EEF2: variants seen among roughly 807,000 people sequenced by gnomAD.
EEF2 encodes the protein eukaryotic translation elongation factor 2.
A neutral mutation model predicts 85.3 loss-of-function variants in EEF2; 21 were observed. That is an observed-to-expected ratio of 0.25 (90% confidence interval 0.17 to 0.35). EEF2 has a LOEUF of 0.35. Among genes scored for constraint, EEF2 ranks in the 10% least tolerant of loss-of-function variants. The pLI, the probability that EEF2 is intolerant of heterozygous loss-of-function variation, is 1.00. For synonymous variants in EEF2, 723 were observed against 508.8 expected (o/e 1.42, Z -5.67); for missense variants, 825 against 1,225.3 (o/e 0.67, Z 4.88).
rs181191801 is a variant in EEF2, at chr19:3,983,092, G to A, written c.400+18C>T. The A allele has an allele frequency of 1.2e-3, 1,878 of 1,612,584 alleles. 19 individuals carry two copies. The highest frequency in any genetic ancestry group is 3.4e-4 in the Non-Finnish European group (400 of 1,178,840). On this transcript the variant is annotated intron_variant, in intron 3 of 14. Transcript: ENST00000309311. The stretch of plus-strand genomic sequence containing the variant: ...GCCCCCGGTTCCAGGCCGTGCCTCA[G>A]GGGGACCCACTGCTTACCTGACACG...
chr19:3,985,427 A>T lies in EEF2; in HGVS notation c.-47T>A, dbSNP rs761180832. 1 of 1,467,168 alleles carries T rather than the reference A, an allele frequency of 6.8e-7. No individual in the cohort carries two copies. 90.9% of individuals were successfully genotyped at this position (1,467,168 alleles called of 1,614,324 possible). On this transcript the variant is annotated 5_prime_UTR_variant, in exon 1 of 15. Transcript: ENST00000309311. Reference sequence around the variant, plus strand: ...CTCCCAGGTAGAACCGAAAGAAGCGAGTCGCGCCGAGGATGGCGGCGACGA... The same window carrying T: ...CTCCCAGGTAGAACCGAAAGAAGCGTGTCGCGCCGAGGATGGCGGCGACGA...
At chr19:3,983,404 G>A (rs191002226) in intron 2 of EEF2, 113 bp from the exon 3 acceptor site, 9 of 1,216,222 alleles carry the variant, frequency 7.4e-6, no homozygotes, top group African/African-American at 4.7e-5. Flanking sequence ...TCCCTGGAGA[G>A]GCTCCCACAA....
Position 3,982,842 on chromosome 19 carries a change from C to T in EEF2, c.577G>A (p.Gly193Ser), listed in dbSNP as rs374265147. ...CCCATGGGGCCGCTCTCGCCCTCGC[C>T]GTAGGTGGAGATGATGACGTTCACG... ...ENVNVIISTY[G>S]EGESGPMGNI... is the part of the protein sequence containing the mutation. Residue 193 changes from glycine (G) to serine (S), a missense_variant, in exon 4 of 15, where the codon GGC becomes AGC. Gly to Ser is a moderately conservative substitution (Grantham distance 56). Coordinates refer to ENST00000309311, the MANE Select transcript of EEF2 (RefSeq NM_001961.4). 5.0e-6 allele frequency: 8 copies of T among 1,613,154 alleles called. No individual in the cohort carries two copies. Among genetic ancestry groups the T allele is most frequent in the Non-Finnish European group, 6.8e-6 (8 of 1,179,872 alleles).
Position 3,980,600 on chromosome 19 carries a change from C to G in EEF2, c.1260G>C (p.Leu420=). Residue 420 remains leucine (L), a synonymous_variant, in exon 9 of 15, where the codon CTG becomes CTC. Transcript: ENST00000309311. ...TCCTGACCTTCAGGCCAGTGGAGAC[C>G]AGCCCCGAGAAGACTCGTCCAAAGG... ...FYAFGRVFSG[L]VSTGLKVRIM... 1 of 1,614,212 alleles carries G rather than the reference C, an allele frequency of 6.2e-7. No homozygotes were observed. Among genetic ancestry groups the G allele is most frequent in the Non-Finnish European group, 8.5e-7 (1 of 1,180,034 alleles).
intron 11 of EEF2, among the ~76,000 whole-genome samples, chr19:3,979,122 A>C (rs2039712901): frequency 1.3e-5 from 2 of 152,086 alleles, no homozygotes; most frequent in Admixed American, 1.3e-4. Flanking sequence ...ACACAGCGAG[A>C]CTATCTCAAA....
chr19:3,982,323 G>A lies in EEF2; in HGVS notation c.714C>T (p.Ala238=), dbSNP rs375462278. The change falls in exon 5 of 15, where the codon GCC becomes GCT. Residue 238 remains alanine (A), a synonymous_variant. Coordinates refer to ENST00000309311, the MANE Select transcript of EEF2 (RefSeq NM_001961.4). ...CAGGCCCCAACTGGCCCTCCCCCTT[G>A]GCGGCGAACTTGGCCACATACATCT... is the stretch of plus-strand genomic sequence containing the variant. ...FAEMYVAKFA[A]KGEGQLGPAE... 3.7e-6 allele frequency: 6 copies of A among 1,614,008 alleles called. No individual in the cohort carries two copies. The highest frequency in any genetic ancestry group is 1.6e-4 in the Middle Eastern group (1 of 6,084).
At chr19:3,981,706 G>A (rs979641761) in intron 6 of EEF2, among the ~76,000 whole-genome samples, 3 of 152,242 alleles carry the variant, frequency 2.0e-5, no homozygotes, top group East Asian at 3.8e-4. Flanking sequence ...GCACTGAACC[G>A]CCAAAGCCAC....
chr19:3,978,271 A>C, intron 11 of EEF2, 99 bp from the exon 12 acceptor site: 1 of 1,051,430 alleles, frequency 9.5e-7, no homozygotes, highest in Non-Finnish European at 1.3e-6. Flanking sequence ...CGGACCTCAT[A>C]CAGCCTGGTA....
At chr19:3,980,144 G>A (rs912596267) in intron 9 of EEF2, 78 bp from the exon 10 acceptor site, 35 of 1,536,696 alleles carry the variant, frequency 2.3e-5, no homozygotes, top group Non-Finnish European at 2.4e-5. Flanking sequence ...GGTCCCTCCC[G>A]GAGTTGGTGG....
chr19:3,976,524 C>T lies in EEF2; in HGVS notation c.*30G>A, dbSNP rs760625564. 27 of 1,579,066 alleles carry T rather than the reference C, an allele frequency of 1.7e-5. No homozygotes were observed. Among genetic ancestry groups the T allele is most frequent in the East Asian group, 1.2e-4 (5 of 42,886 alleles). On this transcript the variant is annotated 3_prime_UTR_variant, in exon 15 of 15. Transcript: ENST00000309311. ...TGGTGCTGTGGGTGCTGCGAGTCCC[C>T]GGGGCGGCAGGCGCTGCAGGAAGGG...
chr19:3,982,579 GC>G, intron 4 of EEF2, 155 bp from the exon 5 acceptor site: 1 of 1,129,584 alleles, frequency 8.9e-7, no homozygotes. Context: ...GAATAGGGGG[GC>G]CAGCCCCTCC....
chr19:3,981,029 C>A, intron 7 of EEF2, 50 bp from the exon 8 acceptor site: 1 of 1,538,044 alleles, frequency 6.5e-7, no homozygotes, highest in Non-Finnish European at 8.7e-7. Context: ...CCCAGGATGG[C>A]CCCACCCCGT....
chr19:3,976,503 G>T lies in EEF2; in HGVS notation c.*51C>A. ...TCGTCTGAGAATTCGAGGACGTGGT[G>T]CTGTGGGTGCTGCGAGTCCCCGGGG... On this transcript the variant is annotated 3_prime_UTR_variant, in exon 15 of 15. Transcript: ENST00000309311. 2 of 1,552,592 alleles carry T rather than the reference G, an allele frequency of 1.3e-6. No individual in the cohort carries two copies. The highest frequency in any genetic ancestry group is 8.7e-7 in the Non-Finnish European group (1 of 1,148,336).
chr19:3,979,771 A>G (rs1317008888), intron 10 of EEF2, 37 bp downstream of exon 10: 4 of 1,597,730 alleles, frequency 2.5e-6, no homozygotes, highest in Non-Finnish European at 3.4e-6. Context: ...GTCCCCCCTC[A>G]GGGTGTCTGC....
In EEF2 at chr19:3,977,705, T is replaced by A; in HGVS notation, c.2068-95A>T. On this transcript the variant is annotated intron_variant, in intron 12 of 14. Coordinates refer to ENST00000309311, the MANE Select transcript of EEF2 (RefSeq NM_001961.4). This position sits in a 1 kb window ranked among gnomAD's most constrained non-coding sequence, Gnocchi z 5.4. ...CCTGCAGGTCTCCACCAGGGGGACCTGGGGCCTTGCCCGCCTTGGCCCCAT... is the reference window on the plus strand; with the variant it reads ...CCTGCAGGTCTCCACCAGGGGGACCAGGGGCCTTGCCCGCCTTGGCCCCAT... 6.8e-7 allele frequency: 1 copy of A among 1,480,848 alleles called. No homozygotes were observed. Among genetic ancestry groups the A allele is most frequent in the Non-Finnish European group, 8.9e-7 (1 of 1,120,428 alleles). 91.7% of individuals were successfully genotyped at this position (1,480,848 alleles called of 1,614,324 possible).
At position 3,977,804 on chromosome 19, in the gene EEF2, T is replaced by C; in HGVS notation, c.2067+15A>G. 1.3e-6 allele frequency: 2 copies of C among 1,567,530 alleles called. No individual in the cohort carries two copies. Among genetic ancestry groups the C allele is most frequent in the Admixed American group, 1.7e-5 (1 of 57,316 alleles). On this transcript the variant is annotated intron_variant, in intron 12 of 14. Transcript: ENST00000309311. This position sits in a 1 kb window ranked among gnomAD's most constrained non-coding sequence, Gnocchi z 5.4. Reference sequence around the variant, plus strand: ...GGAAACGGGTGTGGTCTGCACATGCTGAGCCGTGCCTCACCTCCTTGGTGG... The same window carrying C: ...GGAAACGGGTGTGGTCTGCACATGCCGAGCCGTGCCTCACCTCCTTGGTGG...
rs1599190443 is a variant in EEF2, at chr19:3,977,449, G to A, written c.2229C>T (p.Pro743=). 1 of 1,582,230 alleles carries A rather than the reference G, an allele frequency of 6.3e-7. No individual in the cohort carries two copies. The highest frequency in any genetic ancestry group is 1.1e-5 in the South Asian group (1 of 87,356). ...VLTAQPRLME[P]IYLVEIQCPE... ...TCACCTGGATCTCCACAAGGTAGATGGGCTCCATGAGGCGTGGCTGGGCGG... is the reference window on the plus strand; with the variant it reads ...TCACCTGGATCTCCACAAGGTAGATAGGCTCCATGAGGCGTGGCTGGGCGG... The change falls in exon 13 of 15, where the codon CCC becomes CCT. Residue 743 remains proline (P), a synonymous_variant. Coordinates refer to ENST00000309311, the MANE Select transcript of EEF2 (RefSeq NM_001961.4). This position sits in a 1 kb window ranked among gnomAD's most constrained non-coding sequence, Gnocchi z 5.4.
rs1453976832 is a variant in EEF2 at position 3,978,638 on chromosome 19, T to C, written c.1714-466A>G. Among the ~76,000 whole-genome samples, 3 of 147,232 alleles carry C rather than the reference T, an allele frequency of 2.0e-5. No individual in the cohort carries two copies. The East Asian group carries it at 6.2e-4, about 30-fold the overall frequency. Reference sequence around the variant, plus strand: ...GGCTAACACGGTGAAACCCCGTCTCTACTAAAAATGCAAAAAATTAGCCGG... The same window carrying C: ...GGCTAACACGGTGAAACCCCGTCTCCACTAAAAATGCAAAAAATTAGCCGG... On this transcript the variant is annotated intron_variant, in intron 11 of 14. Transcript: ENST00000309311.
chr19:3,977,907 T>C lies in EEF2; in HGVS notation c.1979A>G (p.Asn660Ser), dbSNP rs945307250. 3.1e-6 allele frequency: 5 copies of C among 1,613,690 alleles called. No homozygotes were observed. The highest frequency in any genetic ancestry group is 1.7e-5 in the Admixed American group (1 of 60,028). The change falls in exon 12 of 15, where the codon AAC becomes AGC. Residue 660 changes from asparagine to serine, a missense_variant. Physicochemically the swap from Asn to Ser is conservative, Grantham distance 46. Coordinates refer to ENST00000309311, the MANE Select transcript of EEF2 (RefSeq NM_001961.4). The surrounding 1 kb of genome is among the most constrained non-coding windows in gnomAD (Gnocchi z 5.4). ...WCFGPDGTGPNILTDITKGVQ... is the reference protein window; with the variant it reads ...WCFGPDGTGPSILTDITKGVQ... ...ACCCTTGGTGATGTCGGTGAGGATG[T>C]TGGGGCCGGTGCCGTCGGGCCCAAA...
Sources: gnomAD v4.1 joint callset for allele counts (sites outside exome capture counted in the v4.1 genomes callset) on GRCh38, gnomAD v4.1.1 for gene constraint, Gnocchi (gnomAD v3.1) non-coding constraint, MANE v1.5 for transcripts, NCBI Gene and HGNC (gene_info 2026-07-23, HGNC 2026-07-21) for gene names.